The following EBF3 variants were observed in gnomAD, a reference collection of about 807,000 sequenced individuals.
EBF3 encodes transcription factor COE3.
A neutral mutation model predicts 77.1 loss-of-function variants in EBF3; 18 were observed. That is an observed-to-expected ratio of 0.23 (90% confidence interval 0.16 to 0.35). The LOEUF (loss-of-function observed/expected upper bound fraction) is 0.35, where lower values mean the gene tolerates loss of function less well. Among genes scored for constraint, EBF3 ranks in the 10% least tolerant of loss-of-function variants. EBF3 has a pLI of 1.00. For synonymous variants in EBF3, 350 were observed against 343.5 expected, an observed-to-expected ratio of 1.02 and a Z score of -0.21; for missense variants, 558 against 860.0, an observed-to-expected ratio of 0.65 and a Z score of 4.39.
intron 7 of EBF3, among the ~76,000 whole-genome samples, chr10:129,877,257 A>T (rs1347121660): frequency 6.6e-6 from 1 of 152,050 alleles, no homozygotes; most frequent in African/African-American, 2.4e-5. Flanking sequence ...TTCAGAGGCC[A>T]AGGCAGGCGG....
intron 6 of EBF3, among the ~76,000 whole-genome samples, chr10:129,928,721 G>A (rs1462888619): frequency 6.6e-6 from 1 of 152,112 alleles, no homozygotes; most frequent in Non-Finnish European, 1.5e-5. Flanking sequence ...GCCCATCTTC[G>A]CTTACTCCAC....
At chr10:129,859,370 C>T (rs1286870498) in intron 10 of EBF3, among the ~76,000 whole-genome samples, 2 of 152,000 alleles carry the variant, frequency 1.3e-5, no homozygotes, top group African/African-American at 2.4e-5. Flanking sequence ...TACAGGCGTG[C>T]GCCACCACAC....
At chr10:129,859,041 G>T (rs139545290) in intron 10 of EBF3, among the ~76,000 whole-genome samples, 1 of 152,170 alleles carries the variant, frequency 6.6e-6, no homozygotes, top group Non-Finnish European at 1.5e-5. Context: ...CCCTCTGCAC[G>T]CACTTAGGTT....
At chr10:129,937,486 G>A (rs1291136612) in intron 6 of EBF3, among the ~76,000 whole-genome samples, 2 of 152,228 alleles carry the variant, frequency 1.3e-5, no homozygotes, top group Admixed American at 6.5e-5. Context: ...ACACACCAGC[G>A]CTGCCCCAAG....
intron 6 of EBF3, among the ~76,000 whole-genome samples, chr10:129,932,966 A>C (rs1857126356): frequency 7.2e-6 from 1 of 137,958 alleles, no homozygotes. Flanking sequence ...TTCACTCTTG[A>C]CTGGGTACAG....
intron 6 of EBF3, among the ~76,000 whole-genome samples, chr10:129,945,784 C>A (rs368671535): frequency 6.6e-6 from 1 of 152,170 alleles, no homozygotes; most frequent in Non-Finnish European, 1.5e-5. Flanking sequence ...GCCCCTGTCA[C>A]CGCTCCCTTC....
At chr10:129,850,922 TCA>T (rs1252176472) in intron 10 of EBF3, among the ~76,000 whole-genome samples, 2 of 152,096 alleles carry the variant, frequency 1.3e-5, no homozygotes, top group South Asian at 4.1e-4. Context: ...CACCGGGGCC[TCA>T]CACACATCTC....
At chr10:129,878,684 G>C (rs1430522568) in intron 6 of EBF3, among the ~76,000 whole-genome samples, 2 of 92,338 alleles carry the variant, frequency 2.2e-5, no homozygotes, top group African/African-American at 4.2e-5. Flanking sequence ...AAAAAAAAAA[G>C]AGTTACAGTA....
Position 129,897,324 on chromosome 10 carries a change from T to C in EBF3, c.555-19475A>G, listed in dbSNP as rs757734917. On this transcript the variant is annotated intron_variant, in intron 6 of 16. Transcript: ENST00000440978. The surrounding 1 kb of genome is among the most constrained non-coding windows in gnomAD (Gnocchi z 4.6). ...AAAGGAGATGAGGCCCATGGCTGTG[T>C]GGGTGAGTTCTTGGGGGTACACCAG... Among the ~76,000 whole-genome samples the C allele has an allele frequency of 2.0e-5, 3 of 152,148 alleles. No individual in the cohort carries two copies. The highest frequency in any genetic ancestry group is 4.8e-5 in the African/African-American group (2 of 41,444).
chr10:129,940,707 G>A (rs1857669281), intron 6 of EBF3, among the ~76,000 whole-genome samples: 1 of 152,230 alleles, frequency 6.6e-6, no homozygotes, highest in African/African-American at 2.4e-5. Context: ...GTAGGGGGCT[G>A]GCAGAGGAAG....
intron 6 of EBF3, among the ~76,000 whole-genome samples, chr10:129,945,097 AGGGGAGGGGAAGGGG>A (rs1858085924): frequency 9.5e-5 from 1 of 10,476 alleles, no homozygotes; most frequent in South Asian, 8.9e-3. Context: ...AGGAGAAGGG[AGGGGAGGGGAAGGGG>A]GGGGAGGTGA....
rs1159185798 is a variant in EBF3 at position 129,837,275 on chromosome 10, C to CAAGAGAATTCA, written c.*657_*667dup. 6.6e-6 allele frequency: 1 copy of CAAGAGAATTCA among 152,648 alleles called. No homozygotes were observed. Among genetic ancestry groups the CAAGAGAATTCA allele is most frequent in the African/African-American group, 2.4e-5 (1 of 41,434 alleles). The allele number at this position is 152,648 out of a possible 1,614,324, so 9.5% of individuals were successfully genotyped here. ...TCTCTGTCAGTGTGCTTGTTGAAGGCAAGAGAATTCAATATCAAAGTTACA... is the reference window on the plus strand; with the variant it reads ...TCTCTGTCAGTGTGCTTGTTGAAGGCAAGAGAATTCAAAGAGAATTCAATATCAAAGTTACA... On this transcript the variant is annotated 3_prime_UTR_variant, in exon 17 of 17. Transcript: ENST00000440978.
chr10:129,894,055 C>T (rs1267966282), intron 6 of EBF3, among the ~76,000 whole-genome samples: 1 of 152,186 alleles, frequency 6.6e-6, no homozygotes, highest in African/African-American at 2.4e-5. Context: ...CTTAAGTGCC[C>T]CCCTCCTTCC....
At chr10:129,949,451 A>C (rs1858493672) in intron 6 of EBF3, among the ~76,000 whole-genome samples, 1 of 152,212 alleles carries the variant, frequency 6.6e-6, no homozygotes, top group African/African-American at 2.4e-5. Flanking sequence ...CTCAAATAAA[A>C]GGGACACTCC....
At chr10:129,862,300 C>A (rs535859483) in intron 10 of EBF3, among the ~76,000 whole-genome samples, 1 of 152,266 alleles carries the variant, frequency 6.6e-6, no homozygotes. Context: ...ATGTTCCCAT[C>A]TAGTAACTGC....
At position 129,877,763 on chromosome 10, in the gene EBF3, T is replaced by G. The variant is rs1279737916; in HGVS notation, c.636+5A>C. On this transcript the variant is annotated splice_donor_5th_base_variant and intron_variant, in intron 7 of 16. Coordinates refer to ENST00000440978, the MANE Select transcript of EBF3 (RefSeq NM_001375380.1). ...ACGGTCCACGTGTCTTTGAGAAATG[T>G]ATACCTGGAATCTCCGCATATCTCG... The G allele has an allele frequency of 3.1e-6, 5 of 1,612,804 alleles. No homozygotes were observed. Among genetic ancestry groups the G allele is most frequent in the African/African-American group, 1.3e-5 (1 of 74,842 alleles).
At chr10:129,855,543 G>A (rs953412079) in intron 10 of EBF3, among the ~76,000 whole-genome samples, 1 of 152,176 alleles carries the variant, frequency 6.6e-6, no homozygotes, top group African/African-American at 2.4e-5. Context: ...CTCTGGGGAC[G>A]GGACTGGGGG....
chr10:129,960,415 A>T (rs1398710461), intron 4 of EBF3, among the ~76,000 whole-genome samples: 1 of 152,192 alleles, frequency 6.6e-6, no homozygotes, highest in African/African-American at 2.4e-5. Context: ...GAACCACAGA[A>T]GTGATGGGTG....
At position 129,838,976 on chromosome 10, in the gene EBF3, G is replaced by A. The variant is rs1307516985; in HGVS notation, c.1872+107C>T. 6.5e-6 allele frequency: 7 copies of A among 1,085,134 alleles called. No individual in the cohort carries two copies. The East Asian group carries it at 4.1e-4, about 64-fold the overall frequency. 67.2% of individuals were successfully genotyped at this position (1,085,134 alleles called of 1,614,324 possible). ...CCTGCCTCTGCAACGACCCTGGTGT[G>A]GTGCCCGCTGATGGCACGCAGGCCA... On this transcript the variant is annotated intron_variant, in intron 16 of 16. Coordinates refer to ENST00000440978, the MANE Select transcript of EBF3 (RefSeq NM_001375380.1).
Sources: allele counts gnomAD v4.1 joint callset (sites outside exome capture counted in the v4.1 genomes callset), GRCh38; gene constraint gnomAD v4.1.1; non-coding constraint Gnocchi (gnomAD v3.1); transcripts MANE v1.5; gene names NCBI Gene and HGNC (gene_info 2026-07-23, HGNC 2026-07-21).